Variants in PTPRA observed in about 807,000 individuals in gnomAD.
PTPRA encodes the protein receptor-type tyrosine-protein phosphatase alpha.
PTPRA carries 25 observed loss-of-function variants against 104.8 expected under a neutral mutation model. The ratio of observed to expected loss-of-function variants is 0.24; its 90% CI spans 0.17 to 0.33. The LOEUF is 0.33. Ranked by LOEUF, PTPRA falls within the 10% of genes least tolerant of loss-of-function variation. PTPRA has a pLI of 1.00. For synonymous variants in PTPRA, 323 were observed against 368.9 expected (o/e 0.88, Z 1.43); for missense variants, 765 against 1,015.3 (o/e 0.75, Z 3.35).
At chr20:2,891,917 G>A (rs1391323608) in intron 1 of PTPRA, among the ~76,000 whole-genome samples, 7 of 152,172 alleles carry the variant, frequency 4.6e-5, no homozygotes, top group African/African-American at 1.7e-4. Context: ...CTGTTATACT[G>A]TATTTTTAAG....
intron 11 of PTPRA, among the ~76,000 whole-genome samples, chr20:3,007,838 GTA>G (rs1440497415): frequency 0.041 from 4,018 of 98,388 alleles, 150 homozygotes; most frequent in African/African-American, 0.13. Context: ...CTGTGTGTGT[GTA>G]TATATATATA....
chr20:2,903,305 G>T (rs1390092430), intron 1 of PTPRA, among the ~76,000 whole-genome samples: 2 of 152,196 alleles, frequency 1.3e-5, no homozygotes, highest in Admixed American at 1.3e-4. Flanking sequence ...ATGGGGTTGT[G>T]ATGTGGAGTA....
chr20:2,994,627 G>GA (rs1322857687), intron 9 of PTPRA, among the ~76,000 whole-genome samples: 2 of 152,210 alleles, frequency 1.3e-5, no homozygotes, highest in Non-Finnish European at 2.9e-5. Flanking sequence ...GGTGTCAGTA[G>GA]AAGGCTGAGC....
At chr20:2,960,504 C>T (rs1370147389) in intron 3 of PTPRA, among the ~76,000 whole-genome samples, 1 of 151,994 alleles carries the variant, frequency 6.6e-6, no homozygotes, top group Non-Finnish European at 1.5e-5. Context: ...CCACCTCGGC[C>T]TCCCAAAGCT....
At chr20:2,945,582 G>GGT (rs3842441) in intron 2 of PTPRA, among the ~76,000 whole-genome samples, 3,388 of 148,226 alleles carry the variant, frequency 0.023, 54 homozygotes, top group East Asian at 0.08. Context: ...ATAATTGGCA[G>GGT]GTGTGTGTGT....
At chr20:2,944,608 G>C (rs2061055410) in intron 2 of PTPRA, among the ~76,000 whole-genome samples, 1 of 152,178 alleles carries the variant, frequency 6.6e-6, no homozygotes, top group Non-Finnish European at 1.5e-5. Flanking sequence ...GCAAGTCACA[G>C]GGCCAACTCA....
chr20:2,921,320 CG>C (rs1203913579), intron 1 of PTPRA, among the ~76,000 whole-genome samples: 19 of 127,644 alleles, frequency 1.5e-4, no homozygotes, highest in Non-Finnish European at 2.5e-4. Context: ...CCTGGGAATG[CG>C]CTTTTTTTTT....
At chr20:2,891,987 A>G (rs889525038) in intron 1 of PTPRA, among the ~76,000 whole-genome samples, 1 of 152,000 alleles carries the variant, frequency 6.6e-6, no homozygotes, top group Non-Finnish European at 1.5e-5. Context: ...TGTGCAACCC[A>G]CAGATAGAGA....
intron 2 of PTPRA, among the ~76,000 whole-genome samples, chr20:2,946,684 C>T (rs924687460): frequency 8.6e-5 from 13 of 151,816 alleles, no homozygotes; most frequent in Admixed American, 6.6e-4. Context: ...CCCATCTCTA[C>T]TAAAATTACA....
intron 1 of PTPRA, among the ~76,000 whole-genome samples, chr20:2,916,325 G>A (rs1042981011): frequency 6.6e-6 from 1 of 152,192 alleles, no homozygotes; most frequent in Admixed American, 6.5e-5. Flanking sequence ...TTACAGGCGT[G>A]AGCCACCACT....
intron 1 of PTPRA, among the ~76,000 whole-genome samples, chr20:2,899,196 C>T (rs896768070): frequency 6.6e-6 from 1 of 152,108 alleles, no homozygotes; most frequent in East Asian, 1.9e-4. Flanking sequence ...AGTAGCCAGG[C>T]GTGGTGACAC....
chr20:2,898,246 A>AT (rs879552041), intron 1 of PTPRA, among the ~76,000 whole-genome samples: 8 of 151,014 alleles, frequency 5.3e-5, no homozygotes, highest in Non-Finnish European at 1.0e-4. Context: ...TGCCCGGCTA[A>AT]TTTTTTTGTA....
chr20:2,889,798 C>T (rs1255346050), intron 1 of PTPRA, among the ~76,000 whole-genome samples: 2 of 152,144 alleles, frequency 1.3e-5, no homozygotes, highest in East Asian at 3.8e-4. Context: ...GATAATTCTA[C>T]TCAAGAGATG....
chr20:2,876,805 G>C (rs1276008219), intron 1 of PTPRA, among the ~76,000 whole-genome samples: 2 of 152,192 alleles, frequency 1.3e-5, no homozygotes, highest in Non-Finnish European at 2.9e-5. Flanking sequence ...CCCCCAAAGT[G>C]TATAGCTGGA....
At chr20:2,991,012 G>A (rs1003893265) in intron 9 of PTPRA, among the ~76,000 whole-genome samples, 3 of 152,058 alleles carry the variant, frequency 2.0e-5, no homozygotes, top group Non-Finnish European at 2.9e-5. Context: ...CTTTTTGGGG[G>A]CTATTGGAAA....
intron 6 of PTPRA, 99 bp downstream of exon 6, chr20:2,975,340 G>T (rs1033533436): frequency 1.8e-6 from 2 of 1,096,992 alleles, no homozygotes; most frequent in African/African-American, 1.6e-5. Context: ...TGCATCTGTG[G>T]CTGTGTTGTT....
At chr20:2,868,824 A>G (rs749611198), upstream of PTPRA, among the ~76,000 whole-genome samples, 8 of 151,380 alleles carry the variant, frequency 5.3e-5, no homozygotes, top group Non-Finnish European at 1.0e-4. Context: ...ACAATACAAA[A>G]CCCACATCTC....
intron 6 of PTPRA, among the ~76,000 whole-genome samples, chr20:2,986,541 G>A (rs2062919112): frequency 6.6e-6 from 1 of 152,200 alleles, no homozygotes; most frequent in Non-Finnish European, 1.5e-5. Flanking sequence ...CAGAGATGGG[G>A]TGAGCATGTC....
chr20:2,923,430 A>G (rs2060170336), intron 2 of PTPRA, 145 bp downstream of exon 2: 1 of 420,130 alleles, frequency 2.4e-6, no homozygotes, highest in South Asian at 2.6e-5. Flanking sequence ...TAAACATTGT[A>G]ATTATCCTTT....
Sources: gnomAD v4.1 joint callset for allele counts (sites outside exome capture counted in the v4.1 genomes callset) on GRCh38, gnomAD v4.1.1 for gene constraint, MANE v1.5 for transcripts, NCBI Gene and HGNC (gene_info 2026-07-23, HGNC 2026-07-21) for gene names.